Variants in PTPRD observed in about 807,000 individuals in gnomAD.
PTPRD encodes the protein receptor-type tyrosine-protein phosphatase delta.
PTPRD carries 34 observed loss-of-function variants against 214.5 expected under a neutral mutation model. The ratio of observed to expected loss-of-function variants is 0.16; its 90% confidence interval spans 0.12 to 0.21. PTPRD has a LOEUF of 0.21. Among genes scored for constraint, PTPRD ranks in the 10% least tolerant of loss-of-function variants. The probability of loss-of-function intolerance (pLI) is 1.00; values close to 1 mark genes in which losing one functional copy is unlikely to be tolerated. For missense variants in PTPRD, 2,545 were observed against 2,398.7 expected, an observed-to-expected ratio of 1.06 and a Z score of -1.27; for synonymous variants, 1,128 against 845.7, an observed-to-expected ratio of 1.33 and a Z score of -5.79.
intron 8 of PTPRD, among the ~76,000 whole-genome samples, chr9:9,455,038 T>C (rs1235919941): frequency 6.6e-6 from 1 of 151,564 alleles, no homozygotes; most frequent in Non-Finnish European, 1.5e-5. Flanking sequence ...GTTTTATCTA[T>C]CCCCATTTCC....
chr9:9,508,519 T>G (rs1372314167), intron 8 of PTPRD, among the ~76,000 whole-genome samples: 2 of 151,732 alleles, frequency 1.3e-5, no homozygotes, highest in African/African-American at 4.8e-5. Context: ...CATAATCTAC[T>G]TTCCGAGCTT....
intron 5 of PTPRD, among the ~76,000 whole-genome samples, chr9:9,931,677 C>G (rs186368976): frequency 6.7e-6 from 1 of 149,964 alleles, no homozygotes; most frequent in African/African-American, 2.4e-5. Flanking sequence ...CCCAGGCGTG[C>G]TTAGGTAAAC....
At chr9:8,977,239 C>A (rs1321272954) in intron 11 of PTPRD, among the ~76,000 whole-genome samples, 1 of 151,986 alleles carries the variant, frequency 6.6e-6, no homozygotes, top group Non-Finnish European at 1.5e-5. Flanking sequence ...AAATTTTAAC[C>A]TTTTGCAAAA....
chr9:9,918,153 C>G (rs1038923042), intron 5 of PTPRD, among the ~76,000 whole-genome samples: 2 of 151,756 alleles, frequency 1.3e-5, no homozygotes, highest in Admixed American at 1.3e-4. Context: ...ATAGAAAAAT[C>G]TAGAGAGTCT....
intron 11 of PTPRD, among the ~76,000 whole-genome samples, chr9:8,895,850 C>T (rs1227953031): frequency 6.6e-6 from 1 of 152,186 alleles, no homozygotes; most frequent in Non-Finnish European, 1.5e-5. Context: ...ATACATTTCA[C>T]ATTAAAGTTG....
intron 3 of PTPRD, among the ~76,000 whole-genome samples, chr9:10,208,811 G>C (rs114819115): frequency 0.018 from 2,677 of 152,206 alleles, 82 homozygotes; most frequent in African/African-American, 0.061. Flanking sequence ...AAATGAAACA[G>C]ATGCTTATTA....
At position 8,635,072 on chromosome 9, in the gene PTPRD, A is replaced by G. The variant is rs145103493; in HGVS notation, c.211-1614T>C. Among the ~76,000 whole-genome samples, 352 of 147,722 alleles carry G rather than the reference A, an allele frequency of 2.4e-3. 1 individual carries two copies. The highest frequency in any genetic ancestry group is 8.4e-3 in the African/African-American group (340 of 40,702). On this transcript the variant is annotated intron_variant, in intron 13 of 45. Transcript: ENST00000381196. ...TAATATATATTTAATAATATATATT[A>G]AATATATATTATATATATATTAGTG...
intron 7 of PTPRD, among the ~76,000 whole-genome samples, chr9:9,617,118 A>G (rs1229280146): frequency 6.6e-6 from 1 of 152,154 alleles, no homozygotes; most frequent in East Asian, 1.9e-4. Flanking sequence ...GCTTAATTGT[A>G]AAGAATAGAA....
chr9:9,407,252 CAT>C (rs2073816234), intron 8 of PTPRD, among the ~76,000 whole-genome samples: 2 of 151,610 alleles, frequency 1.3e-5, no homozygotes, highest in African/African-American at 4.8e-5. Flanking sequence ...ATGATGACAT[CAT>C]ATATGATAAT....
intron 35 of PTPRD, among the ~76,000 whole-genome samples, chr9:8,427,486 G>C (rs765714567): frequency 6.6e-6 from 1 of 152,054 alleles, no homozygotes; most frequent in Admixed American, 6.6e-5. Flanking sequence ...GCCGAGCGGT[G>C]AGCTTGTTAC....
chr9:9,046,950 T>A (rs1422889014), intron 10 of PTPRD, among the ~76,000 whole-genome samples: 1 of 152,100 alleles, frequency 6.6e-6, no homozygotes, highest in Non-Finnish European at 1.5e-5. Flanking sequence ...ATAAAAGGCA[T>A]CCAAATTGGA....
At chr9:8,485,443 T>C (rs1386219452) in intron 28 of PTPRD, 119 bp from the exon 29 acceptor site, 2 of 706,790 alleles carry the variant, frequency 2.8e-6, no homozygotes, top group South Asian at 1.9e-5. Flanking sequence ...GAGAGAGAAG[T>C]ATGATTTTCC....
intron 10 of PTPRD, among the ~76,000 whole-genome samples, chr9:9,025,109 G>C (rs1222622906): frequency 6.6e-6 from 1 of 151,956 alleles, no homozygotes; most frequent in African/African-American, 2.4e-5. Context: ...TAGTCCATCA[G>C]TTATATTTTA....
intron 9 of PTPRD, among the ~76,000 whole-genome samples, chr9:9,305,628 G>A (rs1956889177): frequency 6.6e-6 from 1 of 152,044 alleles, no homozygotes; most frequent in African/African-American, 2.4e-5. Context: ...AGTGTCATTT[G>A]GAAATGGAGT....
chr9:10,587,902 C>A (rs10959179), intron 2 of PTPRD, among the ~76,000 whole-genome samples: 54,037 of 151,522 alleles, frequency 0.36, 9,874 homozygotes, highest in Middle Eastern at 0.45. Flanking sequence ...GGACATAGGC[C>A]CCAAAATGGA....
chr9:10,069,533 T>G (rs1028670411), intron 3 of PTPRD, among the ~76,000 whole-genome samples: 1 of 152,064 alleles, frequency 6.6e-6, no homozygotes, highest in Non-Finnish European at 1.5e-5. Context: ...GAGAAAATAA[T>G]GCTTTTTCTT....
intron 11 of PTPRD, among the ~76,000 whole-genome samples, chr9:8,932,572 G>T (rs1056107566): frequency 6.6e-6 from 1 of 152,190 alleles, no homozygotes; most frequent in Non-Finnish European, 1.5e-5. Context: ...GGCCTGCCCA[G>T]AGAGGAGGAA....
At chr9:10,298,096 G>T (rs1018997870) in intron 3 of PTPRD, among the ~76,000 whole-genome samples, 2 of 152,082 alleles carry the variant, frequency 1.3e-5, no homozygotes, top group African/African-American at 4.8e-5. Flanking sequence ...GGAGGCGCTT[G>T]CATTAAAGAG....
chr9:9,701,336 C>T (rs1488659709), intron 7 of PTPRD, among the ~76,000 whole-genome samples: 1 of 152,024 alleles, frequency 6.6e-6, no homozygotes, highest in Non-Finnish European at 1.5e-5. Context: ...AGCAGGTTTG[C>T]ATTATAAAAA....
Sources: gnomAD v4.1 joint callset for allele counts (sites outside exome capture counted in the v4.1 genomes callset) on GRCh38, gnomAD v4.1.1 for gene constraint, MANE v1.5 for transcripts, NCBI Gene and HGNC (gene_info 2026-07-23, HGNC 2026-07-21) for gene names.